ATP2B4: variants seen among roughly 807,000 people sequenced by gnomAD.
ATP2B4 encodes ATPase plasma membrane Ca2+ transporting 4, also known as plasma membrane calcium-transporting ATPase 4.
A neutral mutation model predicts 110.3 loss-of-function variants in ATP2B4; 39 were observed. The observed-to-expected ratio is 0.35, with a 90% CI of 0.27 to 0.46. ATP2B4 has a LOEUF of 0.46. Ranked by LOEUF, ATP2B4 falls within the 20% of genes least tolerant of loss-of-function variation. ATP2B4 has a pLI of 1.00. For missense variants in ATP2B4, 1,135 were observed against 1,530.9 expected, an observed-to-expected ratio of 0.74 and a Z score of 4.32; for synonymous variants, 538 against 571.7, an observed-to-expected ratio of 0.94 and a Z score of 0.84.
intron 1 of ATP2B4, among the ~76,000 whole-genome samples, chr1:203,676,006 C>A (rs538811458): frequency 3.9e-5 from 6 of 152,114 alleles, no homozygotes; most frequent in Non-Finnish European, 7.4e-5. Flanking sequence ...GTTCTAGGGG[C>A]TAGCTGAAAA....
chr1:203,647,601 G>T (rs978160794), intron 1 of ATP2B4, among the ~76,000 whole-genome samples: 1 of 151,698 alleles, frequency 6.6e-6, no homozygotes, highest in African/African-American at 2.4e-5. Flanking sequence ...TCTACAAAAA[G>T]TATGAAAATT....
chr1:203,691,592 C>A (rs1459066691), intron 2 of ATP2B4, among the ~76,000 whole-genome samples: 2 of 152,176 alleles, frequency 1.3e-5, no homozygotes, highest in Non-Finnish European at 2.9e-5. Context: ...TTTTGCTGAC[C>A]AGAATGAGAA....
At chr1:203,656,589 G>A (rs1664170511) in intron 1 of ATP2B4, among the ~76,000 whole-genome samples, 1 of 152,160 alleles carries the variant, frequency 6.6e-6, no homozygotes, top group Non-Finnish European at 1.5e-5. Context: ...GTCTTTTTAG[G>A]ATTAATGAAT....
chr1:203,702,201 A>G, intron 7 of ATP2B4, 122 bp downstream of exon 7: 1 of 1,297,916 alleles, frequency 7.7e-7, no homozygotes, highest in Non-Finnish European at 1.1e-6. Context: ...TGTGGCTCAG[A>G]TGCCTCATCC....
At chr1:203,722,448 A>C in intron 17 of ATP2B4, 30 bp from the exon 18 acceptor site, 1 of 1,550,362 alleles carries the variant, frequency 6.5e-7, no homozygotes, top group Non-Finnish European at 8.9e-7. Context: ...GACCACACTT[A>C]ACCTCCAGTG....
At position 203,720,551 on chromosome 1, in the gene ATP2B4, C is replaced by G. The variant is rs1247087274; in HGVS notation, c.2409C>G (p.Gly803=). The change falls in exon 16 of 21, where the codon GGC becomes GGG. Residue 803 remains glycine, a splice_region_variant and synonymous_variant. Transcript: ENST00000357681. ...LKKADVGFAM[G]IAGTDVAKEA... ...TTTTCCCTCCCATCTTACCTCAGGG[C>G]ATCGCAGGCACAGATGTAGCAAAGG... The G allele has an allele frequency of 6.2e-7, 1 of 1,600,874 alleles. No homozygotes were observed. Among genetic ancestry groups the G allele is most frequent in the South Asian group, 1.1e-5 (1 of 88,162 alleles).
chr1:203,657,233 G>T, intron 1 of ATP2B4: 1 of 725,898 alleles, frequency 1.4e-6, no homozygotes, highest in Non-Finnish European at 2.5e-6. Context: ...ATATTGGCCT[G>T]ATCAGTCTTT....
chr1:203,649,903 GGCCCAGGGTCCCCATACGCTAA>G (rs948435020), intron 1 of ATP2B4, among the ~76,000 whole-genome samples: 1 of 152,186 alleles, frequency 6.6e-6, no homozygotes, highest in African/African-American at 2.4e-5. Flanking sequence ...GCCACTCTGG[GGCCCAGGGTCCCCATACGCTAA>G]GTAGGGTGTG....
At chr1:203,653,670 C>T (rs1664065120) in intron 1 of ATP2B4, among the ~76,000 whole-genome samples, 1 of 152,094 alleles carries the variant, frequency 6.6e-6, no homozygotes, top group East Asian at 1.9e-4. Context: ...GATTCTTCTG[C>T]CTTAGCCTCC....
At chr1:203,706,448 T>C (rs532934484) in intron 8 of ATP2B4, among the ~76,000 whole-genome samples, 44 of 152,358 alleles carry the variant, frequency 2.9e-4, no homozygotes, top group Admixed American at 2.9e-3. Context: ...ATCTTCTATG[T>C]GTGCCGTGAC....
chr1:203,730,461 C>T (rs1444156479), intron 20 of ATP2B4, among the ~76,000 whole-genome samples: 1 of 152,120 alleles, frequency 6.6e-6, no homozygotes, highest in African/African-American at 2.4e-5. Flanking sequence ...GCCTTTGGCT[C>T]CCATCTCTAA....
rs200244532 is a variant in ATP2B4, at chr1:203,720,537, A to G, written c.2407-12A>G. Reference sequence around the variant, plus strand: ...CCACTCCCTCACTGTTTTCCCTCCCATCTTACCTCAGGGCATCGCAGGCAC... The same window carrying G: ...CCACTCCCTCACTGTTTTCCCTCCCGTCTTACCTCAGGGCATCGCAGGCAC... On this transcript the variant is annotated splice_polypyrimidine_tract_variant and intron_variant, in intron 15 of 20. Coordinates refer to ENST00000357681, the MANE Select transcript of ATP2B4 (RefSeq NM_001684.5). 38 of 1,591,208 alleles carry G rather than the reference A, an allele frequency of 2.4e-5. No homozygotes were observed. Among genetic ancestry groups the G allele is most frequent in the East Asian group, 1.6e-4 (7 of 44,714 alleles).
chr1:203,656,307 A>G (rs959530002), intron 1 of ATP2B4, among the ~76,000 whole-genome samples: 2 of 152,158 alleles, frequency 1.3e-5, no homozygotes, highest in Non-Finnish European at 2.9e-5. Flanking sequence ...CTAGAAATAT[A>G]CTGTTTAGAA....
intron 2 of ATP2B4, among the ~76,000 whole-genome samples, chr1:203,686,685 CTTTTTTTTTTTT>C (rs779048789): frequency 3.0e-4 from 13 of 42,776 alleles, no homozygotes; most frequent in African/African-American, 8.1e-4. Context: ...TCTTTTCTTT[CTTTTTTTTTTTT>C]TTTTTTTTTT....
At chr1:203,735,870 A>G (rs1666865652) in intron 20 of ATP2B4, among the ~76,000 whole-genome samples, 1 of 151,956 alleles carries the variant, frequency 6.6e-6, no homozygotes, top group African/African-American at 2.4e-5. Context: ...TGATGGTTTG[A>G]TGGTGGAAGG....
intron 7 of ATP2B4, among the ~76,000 whole-genome samples, chr1:203,702,388 C>T (rs1336441854): frequency 6.6e-6 from 1 of 152,128 alleles, no homozygotes; most frequent in Admixed American, 6.5e-5. Flanking sequence ...TGACCTCAGC[C>T]TGATTTAAAC....
At chr1:203,651,469 C>G (rs921772172) in intron 1 of ATP2B4, among the ~76,000 whole-genome samples, 1 of 152,196 alleles carries the variant, frequency 6.6e-6, no homozygotes, top group African/African-American at 2.4e-5. Flanking sequence ...TGACCCTTTC[C>G]TATCCCATCC....
At chr1:203,677,373 A>G (rs1027014848) in intron 1 of ATP2B4, among the ~76,000 whole-genome samples, 1 of 152,206 alleles carries the variant, frequency 6.6e-6, no homozygotes, top group South Asian at 2.1e-4. Flanking sequence ...GTTCCTGAGT[A>G]TAGGGAGAAG....
chr1:203,704,732 C>A (rs1571743126), intron 8 of ATP2B4, among the ~76,000 whole-genome samples: 2 of 152,016 alleles, frequency 1.3e-5, no homozygotes, highest in African/African-American at 4.8e-5. Context: ...CCGCCCACCT[C>A]GGCCTCTCAA....
Sources: allele counts gnomAD v4.1 joint callset (sites outside exome capture counted in the v4.1 genomes callset), GRCh38; gene constraint gnomAD v4.1.1; transcripts MANE v1.5; gene names NCBI Gene and HGNC (gene_info 2026-07-23, HGNC 2026-07-21).